GLIS3: variants seen among roughly 807,000 people sequenced by gnomAD.
GLIS3 encodes zinc finger protein GLIS3.
In GLIS3, 53 loss-of-function variants were observed where a neutral mutation model predicts 78.6. That is an observed-to-expected ratio of 0.67 (90% confidence interval 0.54 to 0.85). The LOEUF (loss-of-function observed/expected upper bound fraction) is 0.85, where lower values mean the gene tolerates loss of function less well. Ranked by LOEUF, GLIS3 falls within the 40% of genes least tolerant of loss-of-function variation. The probability of loss-of-function intolerance (pLI) is 0.00; values close to 1 mark genes in which losing one functional copy is unlikely to be tolerated. For synonymous variants in GLIS3, 684 were observed against 509.9 expected, an observed-to-expected ratio of 1.34 and a Z score of -4.60; for missense variants, 1,703 against 1,231.1, an observed-to-expected ratio of 1.38 and a Z score of -5.74.
chr9:4,198,650 T>G (rs538859817), intron 2 of GLIS3, among the ~76,000 whole-genome samples: 2 of 152,196 alleles, frequency 1.3e-5, no homozygotes, highest in African/African-American at 2.4e-5. Flanking sequence ...GAGAAAATAA[T>G]TCAAGAAAAT....
chr9:4,340,657 G>A (rs888695763), intron 2 of GLIS3, among the ~76,000 whole-genome samples: 2 of 152,110 alleles, frequency 1.3e-5, no homozygotes, highest in African/African-American at 2.4e-5. Context: ...CCTGGAGACC[G>A]TTGTCGGAAC....
At chr9:4,275,793 T>C (rs1563880187) in intron 2 of GLIS3, among the ~76,000 whole-genome samples, 1 of 151,918 alleles carries the variant, frequency 6.6e-6, no homozygotes, top group East Asian at 1.9e-4. Flanking sequence ...AGTAAATAAA[T>C]AAATAAATAT....
Position 3,975,443 on chromosome 9 carries a change from G to A in GLIS3, c.1711-38254C>T, listed in dbSNP as rs1430896379. On this transcript the variant is annotated intron_variant, in intron 4 of 10. Transcript: ENST00000381971. ...CTGTTTAGTAAGAGCCATTACTGCT[G>A]TATCTGTCAAAGTAACCTTGGGCGA... is the stretch of plus-strand genomic sequence containing the variant. Among the ~76,000 whole-genome samples the A allele has an allele frequency of 2.6e-5, 4 of 152,264 alleles. No individual in the cohort carries two copies. The South Asian group carries it at 8.3e-4, about 32-fold the overall frequency.
chr9:3,913,175 T>A (rs1201092153), intron 6 of GLIS3, among the ~76,000 whole-genome samples: 1 of 152,206 alleles, frequency 6.6e-6, no homozygotes, highest in Admixed American at 6.5e-5. Flanking sequence ...GATCTCATTT[T>A]CTTCTGCCTT....
intron 4 of GLIS3, among the ~76,000 whole-genome samples, chr9:4,028,580 T>C (rs1260047467): frequency 6.6e-6 from 1 of 152,210 alleles, no homozygotes; most frequent in Non-Finnish European, 1.5e-5. Flanking sequence ...GACATACCTG[T>C]GTAGCCTAGA....
chr9:4,024,244 C>T (rs1485557425), intron 4 of GLIS3, among the ~76,000 whole-genome samples: 3 of 152,150 alleles, frequency 2.0e-5, no homozygotes, highest in African/African-American at 4.8e-5. Flanking sequence ...TTAAATAAAC[C>T]TTCTCAAAAA....
intron 4 of GLIS3, among the ~76,000 whole-genome samples, chr9:4,073,060 C>G (rs1564012669): frequency 6.6e-6 from 1 of 152,094 alleles, no homozygotes; most frequent in Non-Finnish European, 1.5e-5. Flanking sequence ...ATTATACACC[C>G]CTTTTTGGTA....
At chr9:4,398,908 T>C in the GLIS3 span, among the ~76,000 whole-genome samples, 2 of 152,156 alleles carry the variant, frequency 1.3e-5, no homozygotes, top group Non-Finnish European at 2.9e-5. Flanking sequence ...AGGCTGGTCT[T>C]GAACTCCTAA....
At chr9:4,026,100 AG>A (rs1823318088) in intron 4 of GLIS3, among the ~76,000 whole-genome samples, 1 of 152,220 alleles carries the variant, frequency 6.6e-6, no homozygotes, top group Non-Finnish European at 1.5e-5. Context: ...AAAAAACCTG[AG>A]ACTATATGAT....
At chr9:4,419,680 TGAGGCAGGAGAATCGCTTGAACCCAG>T in the GLIS3 span, among the ~76,000 whole-genome samples, 1 of 152,064 alleles carries the variant, frequency 6.6e-6, no homozygotes, top group Admixed American at 6.5e-5. Context: ...CTTGGGAGGC[TGAGGCAGGAGAATCGCTTGAACCCAG>T]GAGGCAGAAG....
chr9:3,970,818 T>C (rs1255254783), intron 4 of GLIS3, among the ~76,000 whole-genome samples: 2 of 152,024 alleles, frequency 1.3e-5, no homozygotes, highest in Non-Finnish European at 2.9e-5. Context: ...GAGAGAAGGA[T>C]GAGAAGATGA....
chr9:4,179,172 T>A (rs974435315), intron 2 of GLIS3, among the ~76,000 whole-genome samples: 1 of 152,178 alleles, frequency 6.6e-6, no homozygotes, highest in South Asian at 2.1e-4. Context: ...AAATGTTCAG[T>A]AGGAAAGACT....
chr9:4,368,256 G>T, the GLIS3 span, among the ~76,000 whole-genome samples: 1 of 151,900 alleles, frequency 6.6e-6, no homozygotes, highest in African/African-American at 2.4e-5. Context: ...CCTTACTATG[G>T]AGCTTTCTCA....
the GLIS3 span, among the ~76,000 whole-genome samples, chr9:4,400,754 A>C: frequency 1.3e-5 from 2 of 152,168 alleles, no homozygotes; most frequent in African/African-American, 4.8e-5. Context: ...CTCTGGGCAG[A>C]GTCATGAGGA....
chr9:3,928,169 T>C (rs946630060), intron 6 of GLIS3, among the ~76,000 whole-genome samples: 6 of 152,224 alleles, frequency 3.9e-5, no homozygotes, highest in Admixed American at 3.3e-4. Context: ...CATTCTAATA[T>C]AGTTTCTAAA....
intron 2 of GLIS3, among the ~76,000 whole-genome samples, chr9:4,276,669 C>A (rs985475876): frequency 1.3e-5 from 2 of 152,106 alleles, no homozygotes; most frequent in African/African-American, 4.8e-5. Context: ...GGAATAGATT[C>A]TTTTAAAGAT....
At chr9:4,205,100 C>A (rs1428728157) in intron 2 of GLIS3, among the ~76,000 whole-genome samples, 1 of 149,198 alleles carries the variant, frequency 6.7e-6, no homozygotes, top group Non-Finnish European at 1.5e-5. Flanking sequence ...TACTTGAACC[C>A]AGGAGGTGCA....
At chr9:4,205,134 C>G (rs966609842) in intron 2 of GLIS3, among the ~76,000 whole-genome samples, 6 of 149,774 alleles carry the variant, frequency 4.0e-5, no homozygotes, top group Non-Finnish European at 7.4e-5. Flanking sequence ...TGAGATCACC[C>G]CACTGCACTC....
the GLIS3 span, among the ~76,000 whole-genome samples, chr9:4,398,314 G>C: frequency 2.0e-5 from 3 of 151,896 alleles, no homozygotes. Flanking sequence ...AGCAGCATTA[G>C]CATGACCTGG....
Sources: allele counts gnomAD v4.1 joint callset (sites outside exome capture counted in the v4.1 genomes callset), GRCh38; gene constraint gnomAD v4.1.1; transcripts MANE v1.5; gene names NCBI Gene and HGNC (gene_info 2026-07-23, HGNC 2026-07-21).